Variants in ROR2 observed in about 807,000 individuals in gnomAD.
ROR2 encodes the protein ROR family WNT receptor 2.
A neutral mutation model predicts 74.9 loss-of-function variants in ROR2; 33 were observed. The observed-to-expected ratio is 0.44, with a 90% CI of 0.33 to 0.59. The LOEUF (loss-of-function observed/expected upper bound fraction) is 0.59, where lower values mean the gene tolerates loss of function less well. ROR2 is among the 20% of genes least tolerant of loss of function. The pLI is 0.02. For missense variants in ROR2, 1,216 were observed against 1,313.8 expected (o/e 0.93, Z 1.15); for synonymous variants, 586 against 558.7 (o/e 1.05, Z -0.69).
intron 2 of ROR2, among the ~76,000 whole-genome samples, chr9:91,768,757 G>A (rs1264491559): frequency 6.6e-6 from 1 of 152,166 alleles, no homozygotes; most frequent in Non-Finnish European, 1.5e-5. Flanking sequence ...AGTCTCAGGT[G>A]CCCGGCCCAA....
intron 4 of ROR2, among the ~76,000 whole-genome samples, chr9:91,755,575 G>C (rs1387546666): frequency 6.6e-6 from 1 of 152,242 alleles, no homozygotes; most frequent in African/African-American, 2.4e-5. Context: ...ACTGCTGTCA[G>C]CAGCTCGTGA....
intron 1 of ROR2, among the ~76,000 whole-genome samples, chr9:91,888,769 G>C (rs1830351832): frequency 6.6e-6 from 1 of 152,172 alleles, no homozygotes; most frequent in African/African-American, 2.4e-5. Context: ...GGCAAGACTG[G>C]AAAGGGGCTG....
At chr9:91,808,715 T>C (rs1468718543) in intron 1 of ROR2, among the ~76,000 whole-genome samples, 1 of 151,258 alleles carries the variant, frequency 6.6e-6, no homozygotes, top group African/African-American at 2.4e-5. Context: ...TCCCAGCACT[T>C]TCGGAGGCCG....
intron 1 of ROR2, among the ~76,000 whole-genome samples, chr9:91,850,650 T>C (rs993077559): frequency 1.3e-5 from 2 of 152,188 alleles, no homozygotes; most frequent in Non-Finnish European, 2.9e-5. Flanking sequence ...TGCAGAACTG[T>C]AAGGGGATAA....
At chr9:91,824,598 C>A (rs1407391763) in intron 1 of ROR2, among the ~76,000 whole-genome samples, 1 of 152,174 alleles carries the variant, frequency 6.6e-6, no homozygotes, top group Admixed American at 6.5e-5. Context: ...GAAATGCAAC[C>A]AAATCCCAAT....
At chr9:91,725,137 A>G in intron 8 of ROR2, 30 bp from the exon 9 acceptor site, 1 of 1,611,476 alleles carries the variant, frequency 6.2e-7, no homozygotes, top group South Asian at 1.1e-5. Context: ...CACGTGAAAC[A>G]TCACTGTCAC....
chr9:91,774,771 G>A (rs2118928836), intron 2 of ROR2, among the ~76,000 whole-genome samples: 1 of 152,254 alleles, frequency 6.6e-6, no homozygotes, highest in East Asian at 1.9e-4. Context: ...GATGAAGGAG[G>A]GCCTGGAGAA....
intron 1 of ROR2, among the ~76,000 whole-genome samples, chr9:91,782,249 T>C (rs1378170767): frequency 6.6e-6 from 1 of 152,240 alleles, no homozygotes; most frequent in East Asian, 1.9e-4. Context: ...CAAACAGAAA[T>C]GCTAAGTAAA....
Position 91,723,534 on chromosome 9 carries a change from T to C in ROR2, c.*128A>G. 2.2e-6 allele frequency: 3 copies of C among 1,389,198 alleles called. No homozygotes were observed. The South Asian group carries it at 4.0e-5, about 19-fold the overall frequency. The allele number at this position is 1,389,198 out of a possible 1,614,324, so 86.1% of individuals were successfully genotyped here. On this transcript the variant is annotated 3_prime_UTR_variant, in exon 9 of 9. Transcript: ENST00000375708. ...AGGAGCAGGGCTCCACCTCACCCAG[T>C]CTGCAAACAAGCCCACTGGCCGGCG...
At chr9:91,851,833 G>A (rs116997940) in intron 1 of ROR2, among the ~76,000 whole-genome samples, 2,728 of 151,998 alleles carry the variant, frequency 0.018, 35 homozygotes, top group Non-Finnish European at 0.023. Flanking sequence ...AGAATTAGCC[G>A]GATGTGGTAG....
rs963756563 is a variant in ROR2 at position 91,756,749 on chromosome 9, T to C, written c.463+523A>G. ...CCTATTTTCTTTTTGTTCTCTTTTT[T>C]TTTTTTTTTTTTTTTTTTGAGACAG... On this transcript the variant is annotated intron_variant, in intron 3 of 8. Coordinates refer to ENST00000375708, the MANE Select transcript of ROR2 (RefSeq NM_004560.4). 4.0e-5 allele frequency among the ~76,000 whole-genome samples: 3 copies of C among 74,788 alleles called. No individual in the cohort carries two copies. In the African/African-American group the frequency reaches 5.4e-4, roughly 14 times the overall value. 49.1% of individuals were successfully genotyped at this position (74,788 alleles called of 152,430 possible).
At chr9:91,919,675 G>C (rs1367014162) in intron 1 of ROR2, among the ~76,000 whole-genome samples, 1 of 152,218 alleles carries the variant, frequency 6.6e-6, no homozygotes. Flanking sequence ...CTGCCCTTCT[G>C]GTGGTTGATG....
At chr9:91,925,784 G>C (rs1376089879) in intron 1 of ROR2, among the ~76,000 whole-genome samples, 1 of 152,196 alleles carries the variant, frequency 6.6e-6, no homozygotes, top group Admixed American at 6.5e-5. Flanking sequence ...CACAGAATTT[G>C]GGGGACCGAT....
intron 1 of ROR2, among the ~76,000 whole-genome samples, chr9:91,826,798 A>G (rs2119169799): frequency 6.7e-6 from 1 of 150,270 alleles, no homozygotes; most frequent in Middle Eastern, 3.4e-3. Context: ...AAAAAAAGAA[A>G]AAAGAAAAAA....
At position 91,813,034 on chromosome 9, in the gene ROR2, T is replaced by G. The variant is rs188452953; in HGVS notation, c.98-37216A>C. ...AGGAGAGGCTAACCAAATGCAATCC[T>G]CCATACAAAGTTCATCATCATTGCC... On this transcript the variant is annotated intron_variant, in intron 1 of 8. Transcript: ENST00000375708. Among the ~76,000 whole-genome samples, 533 of 152,134 alleles carry G rather than the reference T, an allele frequency of 3.5e-3. 4 individuals are homozygous for G. Among genetic ancestry groups the G allele is most frequent in the Middle Eastern group, 6.8e-3 (2 of 294 alleles).
At chr9:91,919,738 T>C (rs1831219033) in intron 1 of ROR2, among the ~76,000 whole-genome samples, 1 of 152,176 alleles carries the variant, frequency 6.6e-6, no homozygotes, top group Non-Finnish European at 1.5e-5. Context: ...TCCTTCATCC[T>C]GCAGGGTGGG....
chr9:91,914,031 GT>G (rs1454674912), intron 1 of ROR2, among the ~76,000 whole-genome samples: 1 of 152,092 alleles, frequency 6.6e-6, no homozygotes, highest in African/African-American at 2.4e-5. Flanking sequence ...TCTCTGGAGA[GT>G]TTCCAGCCAG....
At chr9:91,929,563 A>G (rs1365551731) in intron 1 of ROR2, among the ~76,000 whole-genome samples, 1 of 152,174 alleles carries the variant, frequency 6.6e-6, no homozygotes, top group Non-Finnish European at 1.5e-5. Flanking sequence ...AAGAACCAGC[A>G]CCAGAATTTG....
chr9:91,942,940 C>A (rs971041624), intron 1 of ROR2, among the ~76,000 whole-genome samples: 1 of 152,164 alleles, frequency 6.6e-6, no homozygotes, highest in Non-Finnish European at 1.5e-5. Context: ...TTTTAGGTCA[C>A]CCCGTTTATG....
Sources: allele counts gnomAD v4.1 joint callset (sites outside exome capture counted in the v4.1 genomes callset), GRCh38; gene constraint gnomAD v4.1.1; transcripts MANE v1.5; gene names NCBI Gene and HGNC (gene_info 2026-07-23, HGNC 2026-07-21).